Variants in SLC4A1AP observed in about 807,000 individuals in gnomAD.
SLC4A1AP encodes the protein kanadaptin.
A neutral mutation model predicts 89.7 loss-of-function variants in SLC4A1AP; 64 were observed. That is an observed-to-expected ratio of 0.71 (90% CI 0.58 to 0.88). The LOEUF (loss-of-function observed/expected upper bound fraction) is 0.88. Among genes scored for constraint, SLC4A1AP ranks in the 40% least tolerant of loss-of-function variants. SLC4A1AP has a pLI of 0.00. For synonymous variants in SLC4A1AP, 366 were observed against 353.3 expected, an observed-to-expected ratio of 1.04 and a Z score of -0.40; for missense variants, 931 against 965.0, an observed-to-expected ratio of 0.96 and a Z score of 0.47.
intron 6 of SLC4A1AP, among the ~76,000 whole-genome samples, chr2:27,676,659 TAA>T (rs1290873727): frequency 2.8e-5 from 4 of 140,520 alleles, no homozygotes; most frequent in Non-Finnish European, 3.1e-5. Context: ...CCACCTCTAC[TAA>T]AAAAAAAAAA....
intron 11 of SLC4A1AP, 131 bp from the exon 12 acceptor site, chr2:27,688,569 G>A: frequency 1.6e-6 from 1 of 628,288 alleles, no homozygotes; most frequent in Non-Finnish European, 2.8e-6. Flanking sequence ...GCAGTAGAAG[G>A]AATTGTTGAG....
chr2:27,664,206 C>G (rs768911985), exon 1 of SLC4A1AP: 1 of 1,613,954 alleles, frequency 6.2e-7, no homozygotes, highest in Non-Finnish European at 8.5e-7. Flanking sequence ...AGCCCGGGCT[C>G]CCCCCTACCA....
chr2:27,675,581 T>A (rs543784509), exon 6 of SLC4A1AP: 2 of 1,609,070 alleles, frequency 1.2e-6, no homozygotes, highest in Non-Finnish European at 1.7e-6. Flanking sequence ...ACTTTTATGA[T>A]AGTGATGATG....
intron 3 of SLC4A1AP, among the ~76,000 whole-genome samples, chr2:27,667,834 ATATC>A (rs1675358424): frequency 6.6e-6 from 1 of 151,494 alleles, no homozygotes; most frequent in African/African-American, 2.4e-5. Context: ...CTTTGAGAGA[ATATC>A]TATGTATATG....
intron 9 of SLC4A1AP, among the ~76,000 whole-genome samples, 162 bp downstream of exon 9, chr2:27,682,521 ATTCTTT>A (rs1558508952): frequency 8.6e-5 from 12 of 139,104 alleles, no homozygotes; most frequent in Non-Finnish European, 7.9e-5. Context: ...TGGTTCTTGG[ATTCTTT>A]TTTTTTTTTT....
chr2:27,682,204 G>T, intron 8 of SLC4A1AP, 44 bp from the exon 9 acceptor site: 1 of 1,287,000 alleles, frequency 7.8e-7, no homozygotes, highest in East Asian at 2.4e-5. Context: ...ATAAAACCTT[G>T]GGACTCCCTG....
chr2:27,679,249 T>A (rs1675574376), intron 8 of SLC4A1AP, among the ~76,000 whole-genome samples: 1 of 152,208 alleles, frequency 6.6e-6, no homozygotes, highest in African/African-American at 2.4e-5. Context: ...TACAGCATTG[T>A]TTGTATTAAT....
intron 5 of SLC4A1AP, among the ~76,000 whole-genome samples, chr2:27,674,229 A>G (rs1389605797): frequency 6.6e-6 from 1 of 152,122 alleles, no homozygotes; most frequent in Non-Finnish European, 1.5e-5. Context: ...CTTTGGTCCT[A>G]TGACTATCCC....
intron 12 of SLC4A1AP, 83 bp from the exon 13 acceptor site, chr2:27,693,602 A>G: frequency 9.2e-7 from 1 of 1,083,932 alleles, no homozygotes; most frequent in Non-Finnish European, 1.4e-6. Context: ...GGAGGCTAAC[A>G]ATAGGACCCC....
At chr2:27,676,378 C>T (rs1424840061) in intron 6 of SLC4A1AP, among the ~76,000 whole-genome samples, 1 of 152,238 alleles carries the variant, frequency 6.6e-6, no homozygotes, top group Admixed American at 6.5e-5. Context: ...GAGCTTAAAA[C>T]ATTACCCAAC....
intron 4 of SLC4A1AP, 68 bp from the exon 5 acceptor site, chr2:27,669,180 G>C: frequency 6.8e-7 from 1 of 1,478,416 alleles, no homozygotes; most frequent in Non-Finnish European, 9.1e-7. Context: ...TATTATCATA[G>C]CATAGTAGTT....
At position 27,688,342 on chromosome 2, in the gene SLC4A1AP, G is replaced by T. The variant is rs189184353; in HGVS notation, c.2203+322G>T. On this transcript the variant is annotated intron_variant, in intron 11 of 13. Transcript: ENST00000613058. ...CAAAGTCAAATATGTACCTATTATGGGAGTAATTCCAAAACTATCTTAAAA... is the reference window on the plus strand; with the variant it reads ...CAAAGTCAAATATGTACCTATTATGTGAGTAATTCCAAAACTATCTTAAAA... Among the ~76,000 whole-genome samples the T allele has an allele frequency of 1.7e-3, 265 of 152,220 alleles. 3 individuals are homozygous for T. The highest frequency in any genetic ancestry group is 2.6e-3 in the Non-Finnish European group (174 of 68,010).
intron 6 of SLC4A1AP, among the ~76,000 whole-genome samples, 167 bp from the exon 7 acceptor site, chr2:27,677,128 G>A (rs1230637520): frequency 6.6e-6 from 1 of 151,926 alleles, no homozygotes; most frequent in African/African-American, 2.4e-5. Context: ...ACAGAATGAG[G>A]CTCTATCTCA....
chr2:27,692,139 C>T (rs1675798346), intron 12 of SLC4A1AP: 2 of 152,140 alleles, frequency 1.3e-5, no homozygotes, highest in African/African-American at 4.8e-5. Context: ...AGGCATTTAA[C>T]ACTATAAATT....
At chr2:27,683,372 T>C (rs1354266752) in intron 9 of SLC4A1AP, among the ~76,000 whole-genome samples, 1 of 152,196 alleles carries the variant, frequency 6.6e-6, no homozygotes, top group African/African-American at 2.4e-5. Flanking sequence ...TACTAGGGAT[T>C]GGGCAGCTTA....
At chr2:27,668,810 A>G (rs1002742034) in intron 3 of SLC4A1AP, 33 bp from the exon 4 acceptor site, 14 of 1,596,490 alleles carry the variant, frequency 8.8e-6, no homozygotes, top group Non-Finnish European at 1.2e-5. Context: ...TTTGGATTCT[A>G]TTAAAATTGT....
rs763421784 is a variant in SLC4A1AP at position 27,675,520 on chromosome 2, A to G, written c.1346-12A>G. 7.8e-6 allele frequency: 12 copies of G among 1,529,468 alleles called. No homozygotes were observed. Among genetic ancestry groups the G allele is most frequent in the Non-Finnish European group, 1.1e-5 (12 of 1,136,230 alleles). The allele number at this position is 1,529,468 out of a possible 1,614,324, so 94.7% of individuals were successfully genotyped here. A position where few individuals can be genotyped will look rare whatever the true frequency, so the allele number is the denominator to read the frequency against. ...TAAAAACTTATTTATTCATCATTTT[A>G]TCTACCTCTAGTATCTCGGAAAAGG... On this transcript the variant is annotated splice_polypyrimidine_tract_variant and intron_variant, in intron 5 of 13. Coordinates refer to ENST00000613058, the Ensembl canonical transcript of SLC4A1AP.
intron 12 of SLC4A1AP, among the ~76,000 whole-genome samples, chr2:27,690,108 C>G (rs1036504591): frequency 2.0e-5 from 3 of 152,132 alleles, no homozygotes; most frequent in African/African-American, 7.2e-5. Context: ...TGTTTGCTAA[C>G]AGGCATAAGG....
At chr2:27,664,367 GGTGTCTCGGTACCACGCA>G in exon 1 of SLC4A1AP, 2 of 1,614,198 alleles carry the variant, frequency 1.2e-6, no homozygotes, top group Non-Finnish European at 1.7e-6. Context: ...AGCACCCTTC[GGTGTCTCGGTACCACGCA>G]GTGCTGCAGC....
Sources: gnomAD v4.1 joint callset for allele counts (sites outside exome capture counted in the v4.1 genomes callset) on GRCh38, gnomAD v4.1.1 for gene constraint, MANE v1.5 for transcripts, NCBI Gene and HGNC (gene_info 2026-07-23, HGNC 2026-07-21) for gene names.